The following SPTBN1 variants were observed in gnomAD, a reference collection of about 807,000 sequenced individuals.
SPTBN1 encodes spectrin beta chain, non-erythrocytic 1.
SPTBN1 carries 32 observed loss-of-function variants against 266.4 expected under a neutral mutation model. The ratio of observed to expected loss-of-function variants is 0.12; its 90% CI spans 0.09 to 0.16. The LOEUF is 0.16. Among genes scored for constraint, SPTBN1 ranks in the 10% least tolerant of loss-of-function variants. The probability of loss-of-function intolerance (pLI) is 1.00; values close to 1 mark genes in which losing one functional copy is unlikely to be tolerated. For missense variants in SPTBN1, 2,296 were observed against 3,067.1 expected, an observed-to-expected ratio of 0.75 and a Z score of 5.94; for synonymous variants, 1,336 against 1,162.2, an observed-to-expected ratio of 1.15 and a Z score of -3.04.
At chr2:54,658,159 T>C in intron 30 of SPTBN1, 113 bp downstream of exon 30, 1 of 1,335,120 alleles carries the variant, frequency 7.5e-7, no homozygotes, top group Non-Finnish European at 1.0e-6. Flanking sequence ...TTTGGGTTTT[T>C]TTCAAGTAGT....
Position 54,498,747 on chromosome 2 carries a change from T to C in SPTBN1, c.-47-27625T>C, listed in dbSNP as rs191517547. ...ATTTTTCTTAAACACCCCTTAAATA[T>C]TGGGGAAAGCAGAAAAGTCATTTAT... On this transcript the variant is annotated intron_variant, in intron 1 of 35. Transcript: ENST00000356805. 3.9e-5 allele frequency among the ~76,000 whole-genome samples: 6 copies of C among 152,240 alleles called. No individual in the cohort carries two copies. The East Asian group carries it at 7.7e-4, about 20-fold the overall frequency.
At chr2:54,526,241 C>G in intron 1 of SPTBN1, 131 bp from the exon 2 acceptor site, 1 of 683,874 alleles carries the variant, frequency 1.5e-6, no homozygotes, top group Admixed American at 3.2e-5. Context: ...AAACCTAAAA[C>G]CAGCATTGCT....
chr2:54,657,457 A>G (rs1490692511), intron 29 of SPTBN1, among the ~76,000 whole-genome samples: 1 of 152,218 alleles, frequency 6.6e-6, no homozygotes, highest in Non-Finnish European at 1.5e-5. Flanking sequence ...GGCTCTTGAG[A>G]ACTTGAAATG....
chr2:54,632,792 G>C, intron 17 of SPTBN1, 24 bp downstream of exon 17: 1 of 1,612,370 alleles, frequency 6.2e-7, no homozygotes, highest in Non-Finnish European at 8.5e-7. Context: ...AGGTTCTTAA[G>C]GGAGCCTTGC....
At chr2:54,516,186 C>G (rs1293314181) in intron 1 of SPTBN1, 1 of 152,254 alleles carries the variant, frequency 6.6e-6, no homozygotes, top group East Asian at 1.9e-4. Context: ...CCACTTGGTT[C>G]AAGTCCTCTT....
chr2:54,462,455 G>C (rs1316879041), intron 1 of SPTBN1, among the ~76,000 whole-genome samples: 1 of 152,106 alleles, frequency 6.6e-6, no homozygotes, highest in East Asian at 1.9e-4. Flanking sequence ...ACATTTATTT[G>C]TACACAGTTC....
rs200263469 is a variant in SPTBN1 at position 54,540,278 on chromosome 2, TTC to T, written c.148+13715_148+13716del. Among the ~76,000 whole-genome samples, 1,875 of 152,348 alleles carry T rather than the reference TTC, an allele frequency of 0.012. 38 individuals carry two copies. The highest frequency in any genetic ancestry group is 0.043 in the African/African-American group (1,770 of 41,568). On this transcript the variant is annotated intron_variant, in intron 2 of 35. Coordinates refer to ENST00000356805, the MANE Select transcript of SPTBN1 (RefSeq NM_003128.3). This position sits in a 1 kb window ranked among gnomAD's most constrained non-coding sequence, Gnocchi z 5.6. ...TTGATAGAATCCTGGAGTTTAATCT[TTC>T]TCCTACCAGAATATTTGTCTTAGAT... is the stretch of plus-strand genomic sequence containing the variant.
chr2:54,594,654 T>C (rs1202456285), intron 2 of SPTBN1, among the ~76,000 whole-genome samples: 1 of 152,104 alleles, frequency 6.6e-6, no homozygotes, highest in East Asian at 1.9e-4. Context: ...TCATTTTCTT[T>C]CCATACAACT....
intron 2 of SPTBN1, among the ~76,000 whole-genome samples, chr2:54,584,049 A>G (rs781162102): frequency 3.3e-5 from 5 of 152,238 alleles, no homozygotes; most frequent in Non-Finnish European, 5.9e-5. Flanking sequence ...AAGACGGTTA[A>G]TAGTTTGGAA....
At chr2:54,662,394 A>T (rs1399359854) in intron 32 of SPTBN1, 2 of 939,008 alleles carry the variant, frequency 2.1e-6, no homozygotes, top group Non-Finnish European at 2.5e-6. Context: ...CTTTCCTTCT[A>T]ACTCTAAAGA....
chr2:54,462,601 T>C (rs1693421228), intron 1 of SPTBN1, among the ~76,000 whole-genome samples: 1 of 152,234 alleles, frequency 6.6e-6, no homozygotes. Flanking sequence ...TGTTATGGTT[T>C]TGTGGACTGG....
At chr2:54,503,844 G>A (rs1198105040) in intron 1 of SPTBN1, among the ~76,000 whole-genome samples, 3 of 152,070 alleles carry the variant, frequency 2.0e-5, no homozygotes, top group Non-Finnish European at 4.4e-5. Flanking sequence ...TTCACTTTTG[G>A]GGGGAATATT....
At chr2:54,542,328 G>A (rs1249484360) in intron 2 of SPTBN1, among the ~76,000 whole-genome samples, 1 of 152,252 alleles carries the variant, frequency 6.6e-6, no homozygotes, top group Non-Finnish European at 1.5e-5. Flanking sequence ...CATGAGAAGA[G>A]CTGCAGAAGG....
chr2:54,646,586 A>G lies in SPTBN1; in HGVS notation c.4866+111A>G. On this transcript the variant is annotated intron_variant, in intron 23 of 35. Transcript: ENST00000356805. This position sits in a 1 kb window ranked among gnomAD's most constrained non-coding sequence, Gnocchi z 4.4. ...ATAAAAACTTCCCTTGTAGCCTTTG[A>G]GTGTTAAGGGGACACCATGTGCATG... 7.9e-7 allele frequency: 1 copy of G among 1,265,274 alleles called. No homozygotes were observed. Among genetic ancestry groups the G allele is most frequent in the East Asian group, 2.7e-5 (1 of 37,600 alleles). The allele number at this position is 1,265,274 out of a possible 1,614,324, so 78.4% of individuals were successfully genotyped here.
intron 2 of SPTBN1, chr2:54,557,786 T>C: frequency 1.0e-6 from 1 of 985,426 alleles, no homozygotes; most frequent in Non-Finnish European, 1.2e-6. Context: ...TATCCCCTGA[T>C]GGCAGCGTAA....
At chr2:54,497,838 T>C (rs939107887) in intron 1 of SPTBN1, among the ~76,000 whole-genome samples, 6 of 152,130 alleles carry the variant, frequency 3.9e-5, no homozygotes, top group Non-Finnish European at 8.8e-5. Context: ...GAACTCTGCT[T>C]ACAAAATCCA....
chr2:54,615,728 T>G (rs1558430854), intron 4 of SPTBN1, among the ~76,000 whole-genome samples: 6 of 152,236 alleles, frequency 3.9e-5, no homozygotes. Context: ...CTGAGCGGCT[T>G]ATGAAGGCAC....
At position 54,629,921 on chromosome 2, in the gene SPTBN1, A is replaced by G. The variant is rs1678621540; in HGVS notation, c.2699A>G (p.Asn900Ser). The change falls in exon 15 of 36, where the codon AAC becomes AGC. Residue 900 changes from asparagine to serine, a missense_variant. Asn to Ser is a conservative substitution (Grantham distance 46). Around this residue, in one of 12 missense-constraint regions of SPTBN1, gnomAD observed 1 missense variants for 21.1 expected, o/e 0.05. Coordinates refer to ENST00000356805, the MANE Select transcript of SPTBN1 (RefSeq NM_003128.3). ...GAGAGCCTAGAACCAGAAATGAACA[A>G]CCAGGCTTCCCGGGTTGCAGTGGTG... ...RFESLEPEMN[N>S]QASRVAVVNQ... 6.2e-7 allele frequency: 1 copy of G among 1,613,960 alleles called. No homozygotes were observed.
intron 16 of SPTBN1, 107 bp downstream of exon 16, chr2:54,631,718 A>C: frequency 3.6e-6 from 5 of 1,383,966 alleles, no homozygotes; most frequent in Non-Finnish European, 1.9e-6. Context: ...GTATGGAATT[A>C]TATGGATAAT....
Sources: gnomAD v4.1 joint callset for allele counts (sites outside exome capture counted in the v4.1 genomes callset) on GRCh38, gnomAD v4.1.1 for gene constraint, gnomAD v4.1.1 regional missense constraint, Gnocchi (gnomAD v3.1) non-coding constraint, MANE v1.5 for transcripts, NCBI Gene and HGNC (gene_info 2026-07-23, HGNC 2026-07-21) for gene names.